GRIN2C: variants seen among roughly 807,000 people sequenced by gnomAD.
GRIN2C encodes glutamate receptor ionotropic, NMDA 2C.
A neutral mutation model predicts 77.7 loss-of-function variants in GRIN2C; 64 were observed. That is an observed-to-expected ratio of 0.82 (90% CI 0.67 to 1.01). The LOEUF (loss-of-function observed/expected upper bound fraction) is 1.01, where lower values mean the gene tolerates loss of function less well. Among genes scored for constraint, GRIN2C ranks in the 50% least tolerant of loss-of-function variants. The probability of loss-of-function intolerance (pLI) is 0.00; values close to 1 mark genes in which losing one functional copy is unlikely to be tolerated. For missense variants in GRIN2C, 1,549 were observed against 1,486.0 expected (o/e 1.04, Z -0.70); for synonymous variants, 792 against 643.4 (o/e 1.23, Z -3.49).
Position 74,846,970 on chromosome 17 carries a change from G to A in GRIN2C, c.2002-50C>T. The A allele has an allele frequency of 6.4e-7, 1 of 1,570,378 alleles. No homozygotes were observed. The highest frequency in any genetic ancestry group is 8.6e-7 in the Non-Finnish European group (1 of 1,157,244). ...TCACAACCCTTCCTCCAGCCTTCCAGGCACCAAAGCCCCAAACCCACCCCA... is the reference window on the plus strand; with the variant it reads ...TCACAACCCTTCCTCCAGCCTTCCAAGCACCAAAGCCCCAAACCCACCCCA... On this transcript the variant is annotated intron_variant, in intron 9 of 12. Transcript: ENST00000293190. This position sits in a 1 kb window ranked among gnomAD's most constrained non-coding sequence, Gnocchi z 4.4.
chr17:74,858,935 G>A (rs1422012151), intron 1 of GRIN2C, among the ~76,000 whole-genome samples: 1 of 152,036 alleles, frequency 6.6e-6, no homozygotes, highest in Non-Finnish European at 1.5e-5. Flanking sequence ...CTCTCCCACA[G>A]GCACCTGCCT....
Position 74,847,606 on chromosome 17 carries a change from C to G in GRIN2C, c.1772-69G>C. 5 of 1,148,534 alleles carry G rather than the reference C, an allele frequency of 4.4e-6. No individual in the cohort carries two copies. Among genetic ancestry groups the G allele is most frequent in the Non-Finnish European group, 6.3e-6 (5 of 788,746 alleles). 71.1% of individuals were successfully genotyped at this position (1,148,534 alleles called of 1,614,324 possible). On this transcript the variant is annotated intron_variant, in intron 8 of 12. Transcript: ENST00000293190. This position sits in a 1 kb window ranked among gnomAD's most constrained non-coding sequence, Gnocchi z 5.2. ...CCATGAAAGGGCTCAGGGCTCAGCC[C>G]ACCCGACTGCACAGCTCCGGTCTCA...
Position 74,851,626 on chromosome 17 carries a change from T to C in GRIN2C, c.1064A>G (p.Gln355Arg). ...FSFSPGGYLVQPTMVVIALNR... is the reference protein window; with the variant it reads ...FSFSPGGYLVRPTMVVIALNR... ...GAGGGCGATCACCACCATGGTGGGCTGGACCAGGTACCCACCAGGGCTGAA... is the reference window on the plus strand; with the variant it reads ...GAGGGCGATCACCACCATGGTGGGCCGGACCAGGTACCCACCAGGGCTGAA... Residue 355 changes from glutamine (Q) to arginine (R), a missense_variant, in exon 4 of 13, where the codon CAG becomes CGG. Physicochemically the swap from Gln to Arg is conservative, Grantham distance 43. This residue lies in a region of GRIN2C where 717 missense variants were observed against 858.1 expected (regional missense o/e 0.84). Coordinates refer to ENST00000293190, the MANE Select transcript of GRIN2C (RefSeq NM_000835.6). 1 of 1,571,962 alleles carries C rather than the reference T, an allele frequency of 6.4e-7. No individual in the cohort carries two copies. Among genetic ancestry groups the C allele is most frequent in the Non-Finnish European group, 8.6e-7 (1 of 1,157,380 alleles).
rs1487759449 is a variant in GRIN2C at position 74,846,772 on chromosome 17, C to T, written c.2150G>A (p.Ser717Asn). Residue 717 changes from serine (S) to asparagine (N), a missense_variant, in exon 10 of 13, where the codon AGC becomes AAC. Around this residue, in one of 3 missense-constraint regions of GRIN2C, gnomAD observed 717 missense variants for 858.1 expected, o/e 0.84. Transcript: ENST00000293190. This position sits in a 1 kb window ranked among gnomAD's most constrained non-coding sequence, Gnocchi z 4.4. ...NQRSVEDALT[S>N]LKMGKLDAFI... ...GCTGGGGACCCACCCCATCTTGAGG[C>T]TGGTGAGCGCGTCCTCCACCGAGCG... 1 of 1,613,450 alleles carries T rather than the reference C, an allele frequency of 6.2e-7. No individual in the cohort carries two copies. Among genetic ancestry groups the T allele is most frequent in the African/African-American group, 1.3e-5 (1 of 74,932 alleles).
rs1339312862 is a variant in GRIN2C, at chr17:74,852,349, G to A, written c.662C>T (p.Ala221Val). 1 of 1,454,472 alleles carries A rather than the reference G, an allele frequency of 6.9e-7. No homozygotes were observed. Among genetic ancestry groups the A allele is most frequent in the African/African-American group, 1.5e-5 (1 of 67,186 alleles). The allele number at this position is 1,454,472 out of a possible 1,614,324, so 90.1% of individuals were successfully genotyped here. Residue 221 changes from alanine to valine, a missense_variant, in exon 3 of 13, where the codon GCG (alanine) becomes GTG (valine). Physicochemically the swap from Ala to Val is moderately conservative, Grantham distance 64. This residue lies in a region of GRIN2C where 382 missense variants were observed against 360.0 expected (regional missense o/e 1.06). Coordinates refer to ENST00000293190, the MANE Select transcript of GRIN2C (RefSeq NM_000835.6). ...RTQRLLRQLDAPVFVAYCSRE... is the reference protein window; with the variant it reads ...RTQRLLRQLDVPVFVAYCSRE... ...CGAGCAGTAGGCCACAAACACGGGC[G>A]CGTCGAGCTGGCGCAGCAGGCGCTG... is the stretch of plus-strand genomic sequence containing the variant.
rs759997177 is a variant in GRIN2C, at chr17:74,847,837, C to G, written c.1771+15G>C. On this transcript the variant is annotated intron_variant, in intron 8 of 12. Coordinates refer to ENST00000293190, the MANE Select transcript of GRIN2C (RefSeq NM_000835.6). This position sits in a 1 kb window ranked among gnomAD's most constrained non-coding sequence, Gnocchi z 5.2. ...CCCAGGCCCACCCCTCCTGCCGGGC[C>G]CAGGCAAGGCTTACTCTTGCCTCTG... The G allele has an allele frequency of 9.3e-6, 15 of 1,613,664 alleles. No homozygotes were observed. Among genetic ancestry groups the G allele is most frequent in the African/African-American group, 1.3e-5 (1 of 74,900 alleles).
chr17:74,845,303 C>T (rs930142264), intron 11 of GRIN2C, among the ~76,000 whole-genome samples: 10 of 141,556 alleles, frequency 7.1e-5, no homozygotes, highest in Non-Finnish European at 1.4e-4. Context: ...CTCACTCTGT[C>T]ACCCAGGCTG....
At position 74,846,298 on chromosome 17, in the gene GRIN2C, G is replaced by A. The variant is rs201665863; in HGVS notation, c.2163-45C>T. ...CAGAGCTAGGGACCATATGGGAGGG[G>A]AGGGGACACCGAAACTGGGGCGTGA... On this transcript the variant is annotated intron_variant, in intron 10 of 12. Coordinates refer to ENST00000293190, the MANE Select transcript of GRIN2C (RefSeq NM_000835.6). This position sits in a 1 kb window ranked among gnomAD's most constrained non-coding sequence, Gnocchi z 4.4. The A allele has an allele frequency of 7.0e-6, 11 of 1,567,906 alleles. No individual in the cohort carries two copies. In the Admixed American group the frequency reaches 1.7e-4, roughly 24 times the overall value.
chr17:74,846,953 C>A lies in GRIN2C; in HGVS notation c.2002-33G>T. ...CGGAGGGCAGCAGCCAGTCACAACC[C>A]TTCCTCCAGCCTTCCAGGCACCAAA... On this transcript the variant is annotated intron_variant, in intron 9 of 12. Coordinates refer to ENST00000293190, the MANE Select transcript of GRIN2C (RefSeq NM_000835.6). The surrounding 1 kb of genome is among the most constrained non-coding windows in gnomAD (Gnocchi z 4.4). 6.3e-7 allele frequency: 1 copy of A among 1,585,182 alleles called. No homozygotes were observed. The highest frequency in any genetic ancestry group is 8.6e-7 in the Non-Finnish European group (1 of 1,163,946).
At chr17:74,851,263 A>G (rs977735655) in intron 4 of GRIN2C, 6 of 361,116 alleles carry the variant, frequency 1.7e-5, no homozygotes, top group Admixed American at 4.2e-5. Context: ...TTGTCCCTGC[A>G]TATTGTTTAC....
chr17:74,850,610 C>T lies in GRIN2C; in HGVS notation c.1271G>A (p.Gly424Glu), dbSNP rs1046941246. ...GGGCACGGTGTTGGGGACACAGCCTCCTGTGCCAGGGTCAGGGCTCTCCAC... is the reference window on the plus strand; with the variant it reads ...GGGCACGGTGTTGGGGACACAGCCTTCTGTGCCAGGGTCAGGGCTCTCCAC... ...VIVESPDPGT[G>E]GCVPNTVPCR... Residue 424 changes from glycine (G) to glutamate (E), a missense_variant, in exon 5 of 13, where the codon GGA (glycine) becomes GAA (glutamate). Physicochemically the swap from Gly to Glu is moderately conservative, Grantham distance 98. Coordinates refer to ENST00000293190, the MANE Select transcript of GRIN2C (RefSeq NM_000835.6). This position sits in a 1 kb window ranked among gnomAD's most constrained non-coding sequence, Gnocchi z 5.3. The T allele has an allele frequency of 5.6e-6, 9 of 1,613,562 alleles. No homozygotes were observed. In the African/African-American group the frequency reaches 8.0e-5, roughly 14 times the overall value.
Position 74,846,153 on chromosome 17 carries a change from C to A in GRIN2C, c.2263G>T (p.Ala755Ser). The change falls in exon 11 of 13, where the codon GCT becomes TCT. Residue 755 changes from alanine to serine, a missense_variant. Physicochemically the swap from Ala to Ser is moderately conservative, Grantham distance 99 (BLOSUM62 1). This residue lies in a region of GRIN2C where 717 missense variants were observed against 858.1 expected (regional missense o/e 0.84). Coordinates refer to ENST00000293190, the MANE Select transcript of GRIN2C (RefSeq NM_000835.6). This position sits in a 1 kb window ranked among gnomAD's most constrained non-coding sequence, Gnocchi z 4.4. Reference protein sequence around the residue: ...LVTIGSGKVFATTGYGIAMQK... With the variant: ...LVTIGSGKVFSTTGYGIAMQK... ...ATGGCGATGCCGTAGCCAGTGGTAG[C>A]AAAGACCTTGCCAGACCCAATGGTG... 11 of 1,614,202 alleles carry A rather than the reference C, an allele frequency of 6.8e-6. No individual in the cohort carries two copies. Among genetic ancestry groups the A allele is most frequent in the Non-Finnish European group, 9.3e-6 (11 of 1,180,030 alleles).
chr17:74,851,664 G>T lies in GRIN2C; in HGVS notation c.1026C>A (p.Gly342=). 6.4e-7 allele frequency: 1 copy of T among 1,570,754 alleles called. No homozygotes were observed. The highest frequency in any genetic ancestry group is 2.3e-5 in the East Asian group (1 of 42,636). The change falls in exon 4 of 13, where the codon GGC becomes GGA. Residue 342 remains glycine, a synonymous_variant. Transcript: ENST00000293190. ...YRHLLNVTWE[G]RDFSFSPGGY... ...CACCAGGGCTGAAGGAGAAGTCTCGGCCCTCCCAGGTGACATTCAGTAGGT... is the reference window on the plus strand; with the variant it reads ...CACCAGGGCTGAAGGAGAAGTCTCGTCCCTCCCAGGTGACATTCAGTAGGT...
At chr17:74,860,715 C>T (rs553799165), upstream of GRIN2C, 266 of 352,170 alleles carry the variant, frequency 7.6e-4, no homozygotes, top group Non-Finnish European at 1.3e-3. Context: ...GAGCCGGGCA[C>T]GGGCCAGCAT....
chr17:74,846,185 T>G lies in GRIN2C; in HGVS notation c.2231A>C (p.Lys744Thr). Reference protein sequence around the residue: ...NYMAGKDEGCKLVTIGSGKVF... With the variant: ...NYMAGKDEGCTLVTIGSGKVF... ...CTTGCCAGACCCAATGGTGACCAGC[T>G]TGCAGCCCTCGTCCTTGCCTGCCAT... is the stretch of plus-strand genomic sequence containing the variant. Residue 744 changes from lysine to threonine, a missense_variant, in exon 11 of 13, where the codon AAG (lysine) becomes ACG (threonine). By Grantham distance (78) the Lys-to-Thr change is moderately conservative (BLOSUM62 -1). Around this residue, in one of 3 missense-constraint regions of GRIN2C, gnomAD observed 717 missense variants for 858.1 expected, o/e 0.84. Coordinates refer to ENST00000293190, the MANE Select transcript of GRIN2C (RefSeq NM_000835.6). The surrounding 1 kb of genome is among the most constrained non-coding windows in gnomAD (Gnocchi z 4.4). 1 of 1,614,186 alleles carries G rather than the reference T, an allele frequency of 6.2e-7. No homozygotes were observed. The highest frequency in any genetic ancestry group is 1.1e-5 in the South Asian group (1 of 91,086).
At chr17:74,848,602 A>G (rs745970854) in intron 7 of GRIN2C, among the ~76,000 whole-genome samples, 2 of 152,222 alleles carry the variant, frequency 1.3e-5, no homozygotes. Flanking sequence ...CAGGAGCCTG[A>G]GGCAAGAGAA....
upstream of GRIN2C, chr17:74,861,491 G>A (rs2037955462): frequency 6.6e-6 from 1 of 151,760 alleles, no homozygotes; most frequent in Non-Finnish European, 1.5e-5. Flanking sequence ...CGCGGTGTCT[G>A]TCCCAGAGCC....
Position 74,847,013 on chromosome 17 carries a change from G to A in GRIN2C, c.2002-93C>T. On this transcript the variant is annotated intron_variant, in intron 9 of 12. Transcript: ENST00000293190. This position sits in a 1 kb window ranked among gnomAD's most constrained non-coding sequence, Gnocchi z 5.2. ...CCACCCCAGAGCCCAGCCCCAGTGT[G>A]GACTTGCATAGTCAGAGCAGAAGGT... is the stretch of plus-strand genomic sequence containing the variant. 1 of 1,356,778 alleles carries A rather than the reference G, an allele frequency of 7.4e-7. No homozygotes were observed. The highest frequency in any genetic ancestry group is 1.0e-6 in the Non-Finnish European group (1 of 985,812). 84.0% of individuals were successfully genotyped at this position (1,356,778 alleles called of 1,614,324 possible).
chr17:74,847,341 G>A lies in GRIN2C; in HGVS notation c.1968C>T (p.Tyr656=), dbSNP rs2037491460. ...NLAAFMIQEQ[Y]IDTVSGLSDK... Reference sequence around the variant, plus strand: ...CACTGAGGCCCGACACAGTGTCGATGTATTGCTCTTGGATCATGAAGGCGG... The same window carrying A: ...CACTGAGGCCCGACACAGTGTCGATATATTGCTCTTGGATCATGAAGGCGG... The change falls in exon 9 of 13, where the codon TAC becomes TAT. Residue 656 remains tyrosine (Y), a synonymous_variant. Coordinates refer to ENST00000293190, the MANE Select transcript of GRIN2C (RefSeq NM_000835.6). This position sits in a 1 kb window ranked among gnomAD's most constrained non-coding sequence, Gnocchi z 5.2. 6.3e-7 allele frequency: 1 copy of A among 1,580,980 alleles called. No individual in the cohort carries two copies. The highest frequency in any genetic ancestry group is 1.1e-5 in the South Asian group (1 of 90,674).
Sources: gnomAD v4.1 joint callset for allele counts (sites outside exome capture counted in the v4.1 genomes callset) on GRCh38, gnomAD v4.1.1 for gene constraint, gnomAD v4.1.1 regional missense constraint, Gnocchi (gnomAD v3.1) non-coding constraint, MANE v1.5 for transcripts, NCBI Gene and HGNC (gene_info 2026-07-23, HGNC 2026-07-21) for gene names.